Variants in GNG4 observed in about 807,000 individuals in gnomAD.
The protein encoded by GNG4 is guanine nucleotide-binding protein G(I)/G(S)/G(O) subunit gamma-4.
Under a neutral mutation model 5.8 loss-of-function variants are expected in GNG4, and 4 were observed. That is an observed-to-expected ratio of 0.69 (90% CI 0.34 to 1.57). The LOEUF (loss-of-function observed/expected upper bound fraction) is 1.57, where lower values mean the gene tolerates loss of function less well. Ranked by LOEUF, GNG4 falls within the 40% of genes most tolerant of loss-of-function variation. GNG4 has a pLI of 0.06. For synonymous variants in GNG4, 29 were observed against 32.9 expected, an observed-to-expected ratio of 0.88 and a Z score of 0.41; for missense variants, 96 against 95.1, an observed-to-expected ratio of 1.01 and a Z score of -0.04.
At chr1:235,571,792 A>G (rs1687350435) in intron 3 of GNG4, among the ~76,000 whole-genome samples, 1 of 152,204 alleles carries the variant, frequency 6.6e-6, no homozygotes, top group Non-Finnish European at 1.5e-5. Flanking sequence ...ATTACAGGGT[A>G]TAGCCTATTG....
chr1:235,591,236 G>A (rs1472593497), intron 2 of GNG4, among the ~76,000 whole-genome samples: 1 of 152,164 alleles, frequency 6.6e-6, no homozygotes, highest in Non-Finnish European at 1.5e-5. Context: ...TACCCACCTT[G>A]GCCTAGTGGC....
intron 2 of GNG4, among the ~76,000 whole-genome samples, chr1:235,594,084 T>C (rs1292680215): frequency 6.6e-6 from 1 of 152,186 alleles, no homozygotes; most frequent in Admixed American, 6.5e-5. Context: ...TTGGTGCGTT[T>C]ACAATCCCTG....
chr1:235,568,656 G>A (rs1399407033), intron 3 of GNG4, among the ~76,000 whole-genome samples: 4 of 152,166 alleles, frequency 2.6e-5, no homozygotes, highest in African/African-American at 7.2e-5. Flanking sequence ...CTTCAGAACT[G>A]TGGGGAAGTG....
At position 235,637,057 on chromosome 1, in the gene GNG4, C is replaced by CAA. The variant is rs61512163; in HGVS notation, c.-123+12603_-123+12604dup. Among the ~76,000 whole-genome samples the CAA allele has an allele frequency of 3.6e-3, 487 of 134,434 alleles. 5 individuals are homozygous for CAA. Among genetic ancestry groups the CAA allele is most frequent in the African/African-American group, 0.011 (382 of 34,678 alleles). 88.2% of individuals were successfully genotyped at this position (134,434 alleles called of 152,430 possible). On this transcript the variant is annotated intron_variant, in intron 1 of 3. Coordinates refer to ENST00000391854, the MANE Select transcript of GNG4 (RefSeq NM_001098722.2). ...TGGGCGACAGAGCCAGACTCCGTCT[C>CAA]AAAAAAAAAAAAAAAAATCCCTGCC...
rs1226950524 is a variant in GNG4, at chr1:235,572,649, G to GCCA, written c.99+11088_99+11090dup. ...CCTGAGAAGCTGGGACTACAGGTGC[G>GCCA]CCACCATGCCCAGCTAATTTTTGTA... is the stretch of plus-strand genomic sequence containing the variant. On this transcript the variant is annotated intron_variant, in intron 3 of 3. Coordinates refer to ENST00000391854, the MANE Select transcript of GNG4 (RefSeq NM_001098722.2). Among the ~76,000 whole-genome samples, 9 of 151,574 alleles carry GCCA rather than the reference G, an allele frequency of 5.9e-5. No homozygotes were observed. The East Asian group carries it at 1.8e-3, about 29-fold the overall frequency.
At chr1:235,594,031 TGTTTTACAGAGAGCTGATTGGTCC>T (rs1688062345) in intron 2 of GNG4, among the ~76,000 whole-genome samples, 1 of 152,148 alleles carries the variant, frequency 6.6e-6, no homozygotes, top group Non-Finnish European at 1.5e-5. Flanking sequence ...CTGATTGGTC[TGTTTTACAGAGAGCTGATTGGTCC>T]GTTTTGACAG....
intron 1 of GNG4, among the ~76,000 whole-genome samples, chr1:235,604,976 G>A (rs987502089): frequency 2.6e-5 from 4 of 152,084 alleles, no homozygotes; most frequent in African/African-American, 4.8e-5. Context: ...CTGAGAAGCA[G>A]AATTTATAAC....
At chr1:235,581,163 T>C (rs1687623827) in intron 3 of GNG4, among the ~76,000 whole-genome samples, 1 of 152,024 alleles carries the variant, frequency 6.6e-6, no homozygotes, top group African/African-American at 2.4e-5. Flanking sequence ...TGGGGCCTGG[T>C]GGGAAGTGAT....
intron 3 of GNG4, among the ~76,000 whole-genome samples, chr1:235,577,048 A>G (rs190557643): frequency 6.6e-6 from 1 of 152,304 alleles, no homozygotes; most frequent in Non-Finnish European, 1.5e-5. Flanking sequence ...TTCTCTTCCC[A>G]GTGACAGATG....
chr1:235,568,168 T>A (rs72759796), intron 3 of GNG4, among the ~76,000 whole-genome samples: 381 of 150,568 alleles, frequency 2.5e-3, no homozygotes, highest in African/African-American at 2.9e-3. Context: ...TTTTTTTTTT[T>A]AAACCTATGA....
chr1:235,594,378 G>A (rs1204913310), intron 2 of GNG4, among the ~76,000 whole-genome samples: 1 of 152,244 alleles, frequency 6.6e-6, no homozygotes, highest in Non-Finnish European at 1.5e-5. Context: ...TCACCTAGTG[G>A]ATCCCATCTG....
At chr1:235,615,883 C>G (rs541514194) in intron 1 of GNG4, 13 of 281,108 alleles carry the variant, frequency 4.6e-5, no homozygotes, top group Non-Finnish European at 8.4e-5. Context: ...TGTGCTGGTT[C>G]TGCAGGCTCC....
intron 1 of GNG4, among the ~76,000 whole-genome samples, chr1:235,630,923 GAGTCT>G: frequency 6.7e-6 from 1 of 149,904 alleles, no homozygotes. Context: ...TTTTGAGACA[GAGTCT>G]TGCTCTGTCA....
At chr1:235,602,012 C>T (rs1179519199) in intron 1 of GNG4, among the ~76,000 whole-genome samples, 1 of 152,196 alleles carries the variant, frequency 6.6e-6, no homozygotes, top group Non-Finnish European at 1.5e-5. Flanking sequence ...TGGCTCACGC[C>T]TGTAATCCCA....
At chr1:235,635,158 T>G (rs1689009922) in intron 1 of GNG4, among the ~76,000 whole-genome samples, 1 of 152,028 alleles carries the variant, frequency 6.6e-6, no homozygotes, top group South Asian at 2.1e-4. Flanking sequence ...ATAAATTAGG[T>G]CCCTTCTAAA....
intron 1 of GNG4, among the ~76,000 whole-genome samples, chr1:235,599,417 A>C (rs1172371476): frequency 1.3e-5 from 2 of 151,726 alleles, no homozygotes; most frequent in East Asian, 3.9e-4. Flanking sequence ...CCCGGGTTCA[A>C]GCGAGTCTCC....
At chr1:235,571,360 A>G (rs991537557) in intron 3 of GNG4, among the ~76,000 whole-genome samples, 2 of 152,158 alleles carry the variant, frequency 1.3e-5, no homozygotes, top group Admixed American at 1.3e-4. Flanking sequence ...AAGTTAATGA[A>G]TCTTCATAGA....
At chr1:235,591,902 A>AC (rs1199534029) in intron 2 of GNG4, among the ~76,000 whole-genome samples, 1 of 152,154 alleles carries the variant, frequency 6.6e-6, no homozygotes, top group Non-Finnish European at 1.5e-5. Flanking sequence ...GGTCTGTGGG[A>AC]CCCCCAGCAG....
chr1:235,626,746 G>A (rs1016666727), intron 1 of GNG4, among the ~76,000 whole-genome samples: 1 of 152,024 alleles, frequency 6.6e-6, no homozygotes, highest in African/African-American at 2.4e-5. Flanking sequence ...ATCACCTGAG[G>A]TCAGGAGTTA....
Sources: allele counts gnomAD v4.1 joint callset (sites outside exome capture counted in the v4.1 genomes callset), GRCh38; gene constraint gnomAD v4.1.1; transcripts MANE v1.5; gene names NCBI Gene and HGNC (gene_info 2026-07-23, HGNC 2026-07-21).